Variants in CDC40 observed in about 807,000 individuals in gnomAD.
The protein encoded by CDC40 is cell division cycle 40.
Under a neutral mutation model 80.6 loss-of-function variants are expected in CDC40, and 27 were observed. The ratio of observed to expected loss-of-function variants is 0.33; its 90% CI spans 0.25 to 0.46. CDC40 has a LOEUF of 0.46. CDC40 is among the 20% of genes least tolerant of loss of function. CDC40 has a pLI of 1.00. For synonymous variants in CDC40, 221 were observed against 232.6 expected, an observed-to-expected ratio of 0.95 and a Z score of 0.45; for missense variants, 486 against 694.1, an observed-to-expected ratio of 0.70 and a Z score of 3.37.
chr6:110,189,693 C>T (rs1777319891), intron 1 of CDC40, among the ~76,000 whole-genome samples: 2 of 152,162 alleles, frequency 1.3e-5, no homozygotes, highest in South Asian at 2.1e-4. Flanking sequence ...TGTGTCTCTC[C>T]CTGCCATCAC....
At chr6:110,229,643 G>C (rs1777910088) in intron 14 of CDC40, among the ~76,000 whole-genome samples, 1 of 152,134 alleles carries the variant, frequency 6.6e-6, no homozygotes, top group African/African-American at 2.4e-5. Context: ...GCTATATGTG[G>C]AATTGGTTCT....
chr6:110,195,948 T>C (rs1480182868), intron 2 of CDC40, among the ~76,000 whole-genome samples: 3 of 152,174 alleles, frequency 2.0e-5, no homozygotes, highest in Non-Finnish European at 2.9e-5. Context: ...AAGCTGAATT[T>C]TTAAGAAGGT....
intron 3 of CDC40, among the ~76,000 whole-genome samples, chr6:110,204,013 A>G (rs528474090): frequency 1.3e-5 from 2 of 151,976 alleles, no homozygotes; most frequent in Admixed American, 1.3e-4. Flanking sequence ...CTTTATTAAC[A>G]TTTTTATTTT....
intron 2 of CDC40, among the ~76,000 whole-genome samples, chr6:110,194,058 AT>A (rs201262399): frequency 1.3e-5 from 2 of 151,608 alleles, no homozygotes; most frequent in African/African-American, 2.4e-5. Flanking sequence ...AAAGTACTGG[AT>A]TTTTTTTTCT....
In CDC40 at chr6:110,215,338, C is replaced by A; in HGVS notation, c.988+7C>A. On this transcript the variant is annotated splice_region_variant and intron_variant, in intron 9 of 14. Transcript: ENST00000307731. ...TGTCTGAGAACATTTATTGGTAATG[C>A]TTCTTTTCTCTCCAACATAAATCTG... 6.2e-7 allele frequency: 1 copy of A among 1,607,566 alleles called. No individual in the cohort carries two copies. Among genetic ancestry groups the A allele is most frequent in the Non-Finnish European group, 8.5e-7 (1 of 1,174,142 alleles).
At chr6:110,219,655 CCTT>C (rs1160606592) in intron 11 of CDC40, 78 bp from the exon 12 acceptor site, 8 of 1,471,460 alleles carry the variant, frequency 5.4e-6, no homozygotes, top group South Asian at 2.4e-5. Context: ...AAGATCTTCT[CCTT>C]CTCCACTTTC....
intron 3 of CDC40, among the ~76,000 whole-genome samples, chr6:110,202,811 T>A (rs1166869925): frequency 6.6e-6 from 1 of 150,704 alleles, no homozygotes; most frequent in Non-Finnish European, 1.5e-5. Context: ...CTATAGTATA[T>A]TAGGCAGCCT....
At chr6:110,229,075 T>A in intron 14 of CDC40, 99 bp downstream of exon 14, 1 of 962,124 alleles carries the variant, frequency 1.0e-6, no homozygotes, top group Non-Finnish European at 1.5e-6. Flanking sequence ...ACATAATATG[T>A]TTTTATGAGA....
Position 110,230,241 on chromosome 6 carries a change from A to ATTGACCCTTTG in CDC40, c.*113_*123dup, listed in dbSNP as rs1777918230. 1 of 625,316 alleles carries ATTGACCCTTTG rather than the reference A, an allele frequency of 1.6e-6. No homozygotes were observed. The highest frequency in any genetic ancestry group is 1.9e-5 in the African/African-American group (1 of 51,634). 38.7% of individuals were successfully genotyped at this position (625,316 alleles called of 1,614,324 possible). A position where few individuals can be genotyped will look rare whatever the true frequency, so the allele number is the denominator to read the frequency against. On this transcript the variant is annotated 3_prime_UTR_variant, in exon 15 of 15. Transcript: ENST00000307731. ...TTGATTTACAGATAATGTTGATGAC[A>ATTGACCCTTTG]TTGACCCTTTGTTTAAAAAAAGAAA...
At chr6:110,191,508 T>A (rs906970222) in intron 1 of CDC40, among the ~76,000 whole-genome samples, 1 of 152,280 alleles carries the variant, frequency 6.6e-6, no homozygotes, top group Middle Eastern at 3.4e-3. Flanking sequence ...AGAGATAATA[T>A]ATATATCCAC....
chr6:110,213,150 G>C lies in CDC40; in HGVS notation c.932G>C (p.Cys311Ser). 1.2e-6 allele frequency: 2 copies of C among 1,602,384 alleles called. No homozygotes were observed. Among genetic ancestry groups the C allele is most frequent in the Non-Finnish European group, 1.7e-6 (2 of 1,169,284 alleles). The change falls in exon 8 of 15, where the codon TGT (cysteine) becomes TCT (serine). Residue 311 changes from cysteine (C) to serine (S), a missense_variant. Coordinates refer to ENST00000307731, the MANE Select transcript of CDC40 (RefSeq NM_015891.3). ...TTATTGCTGTCTTGTTCCATGGACT[G>C]TAAAATTAAGGTGAGTTTTCAGTAA... ...GHLLLSCSMD[C>S]KIKLWEVYGE...
intron 8 of CDC40, among the ~76,000 whole-genome samples, chr6:110,214,114 C>T (rs899619223): frequency 6.6e-6 from 1 of 151,998 alleles, no homozygotes; most frequent in Non-Finnish European, 1.5e-5. Context: ...TAAGAGCAAC[C>T]ATTTAGGCAT....
At chr6:110,217,555 G>C (rs539401868) in intron 9 of CDC40, 147 bp from the exon 10 acceptor site, 4 of 591,690 alleles carry the variant, frequency 6.8e-6, no homozygotes, top group African/African-American at 5.7e-5. Context: ...TTCTAAGTCA[G>C]TAAATCAGGC....
intron 2 of CDC40, among the ~76,000 whole-genome samples, chr6:110,193,705 G>A (rs992295048): frequency 1.3e-5 from 2 of 152,086 alleles, no homozygotes; most frequent in Non-Finnish European, 2.9e-5. Context: ...GCGCCCAGCC[G>A]AAAATACATC....
chr6:110,189,526 A>T (rs957995769), intron 1 of CDC40, among the ~76,000 whole-genome samples: 1 of 152,152 alleles, frequency 6.6e-6, no homozygotes, highest in African/African-American at 2.4e-5. Context: ...ACCTCCAAAC[A>T]TCTGTCATCT....
intron 3 of CDC40, among the ~76,000 whole-genome samples, chr6:110,205,464 A>G (rs1028712898): frequency 2.0e-5 from 3 of 152,374 alleles, no homozygotes; most frequent in African/African-American, 7.2e-5. Flanking sequence ...CTTATTTGTA[A>G]AAGGAAAATA....
At chr6:110,206,203 T>C (rs1777560596) in intron 3 of CDC40, among the ~76,000 whole-genome samples, 1 of 152,166 alleles carries the variant, frequency 6.6e-6, no homozygotes, top group Non-Finnish European at 1.5e-5. Context: ...AGTGGCGCGA[T>C]CTCAGCTCAC....
At chr6:110,226,519 T>C (rs1246805176) in intron 13 of CDC40, among the ~76,000 whole-genome samples, 1 of 152,016 alleles carries the variant, frequency 6.6e-6, no homozygotes, top group African/African-American at 2.4e-5. Flanking sequence ...ACAATCAGTT[T>C]TCTTTTCTTT....
chr6:110,231,397 G>C lies in CDC40; in HGVS notation c.*1266G>C, dbSNP rs1777936138. On this transcript the variant is annotated 3_prime_UTR_variant, in exon 15 of 15. Coordinates refer to ENST00000307731, the MANE Select transcript of CDC40 (RefSeq NM_015891.3). Reference sequence around the variant, plus strand: ...CGCCTGTAATTCCAGCTACTCAGAAGGCTGAGGCAGGGAGAATTGCTTGAA... The same window carrying C: ...CGCCTGTAATTCCAGCTACTCAGAACGCTGAGGCAGGGAGAATTGCTTGAA... The C allele has an allele frequency of 6.6e-6, 1 of 152,242 alleles. No homozygotes were observed. Among genetic ancestry groups the C allele is most frequent in the African/African-American group, 2.4e-5 (1 of 41,446 alleles). 9.4% of individuals were successfully genotyped at this position (152,242 alleles called of 1,614,324 possible).
Sources: gnomAD v4.1 joint callset for allele counts (sites outside exome capture counted in the v4.1 genomes callset) on GRCh38, gnomAD v4.1.1 for gene constraint, MANE v1.5 for transcripts, NCBI Gene and HGNC (gene_info 2026-07-23, HGNC 2026-07-21) for gene names.